Variants in CBX5 observed in about 807,000 individuals in gnomAD.
CBX5 encodes chromobox protein homolog 5.
Under a neutral mutation model 20.7 loss-of-function variants are expected in CBX5, and 7 were observed. The observed-to-expected ratio is 0.34, with a 90% CI of 0.19 to 0.63. The LOEUF is 0.63. Among genes scored for constraint, CBX5 ranks in the 30% least tolerant of loss-of-function variants. The pLI is 0.75. For synonymous variants in CBX5, 78 were observed against 77.0 expected, an observed-to-expected ratio of 1.01 and a Z score of -0.07; for missense variants, 110 against 224.1, an observed-to-expected ratio of 0.49 and a Z score of 3.25.
In CBX5 at chr12:54,235,559, A is replaced by G. The variant is rs1943612137; in HGVS notation, c.*6196T>C. ...AACCCGGGAGGTGGAGCTTGCAGTG[A>G]GCCGAGATTGCGCCACTGCACTCCA... On this transcript the variant is annotated 3_prime_UTR_variant, in exon 5 of 5. Coordinates refer to ENST00000209875, the MANE Select transcript of CBX5 (RefSeq NM_012117.3). 1 of 152,056 alleles carries G rather than the reference A, an allele frequency of 6.6e-6. No homozygotes were observed. Among genetic ancestry groups the G allele is most frequent in the Non-Finnish European group, 1.5e-5 (1 of 68,062 alleles). 9.4% of individuals were successfully genotyped at this position (152,056 alleles called of 1,614,324 possible). A position where few individuals can be genotyped will look rare whatever the true frequency, so the allele number is the denominator to read the frequency against.
intron 4 of CBX5, among the ~76,000 whole-genome samples, chr12:54,245,075 G>A (rs929901955): frequency 1.3e-5 from 2 of 151,390 alleles, no homozygotes; most frequent in African/African-American, 2.4e-5. Context: ...GCAGAGGCTC[G>A]ATCTCAGCTC....
intron 1 of CBX5, among the ~76,000 whole-genome samples, chr12:54,264,569 G>T (rs879563072): frequency 6.6e-6 from 1 of 152,202 alleles, no homozygotes; most frequent in Non-Finnish European, 1.5e-5. Flanking sequence ...CCAGCCGGGC[G>T]CAGTGGCTCA....
At chr12:54,270,153 G>A (rs555594235) in intron 1 of CBX5, among the ~76,000 whole-genome samples, 1 of 151,584 alleles carries the variant, frequency 6.6e-6, no homozygotes, top group Non-Finnish European at 1.5e-5. Flanking sequence ...CTATTTTCTT[G>A]TTTATTTTGG....
At chr12:54,255,450 T>C (rs1203965107) in intron 2 of CBX5, among the ~76,000 whole-genome samples, 3 of 150,890 alleles carry the variant, frequency 2.0e-5, no homozygotes, top group Non-Finnish European at 4.4e-5. Context: ...TCCCAGCTAC[T>C]CGGGAGGCTG....
At chr12:54,269,322 G>C (rs1421081168) in intron 1 of CBX5, among the ~76,000 whole-genome samples, 1 of 152,158 alleles carries the variant, frequency 6.6e-6, no homozygotes, top group Non-Finnish European at 1.5e-5. Context: ...GGAAGAGTTT[G>C]TTGTATAAAA....
intron 1 of CBX5, among the ~76,000 whole-genome samples, chr12:54,267,053 G>A (rs1440992254): frequency 6.6e-6 from 1 of 152,094 alleles, no homozygotes; most frequent in African/African-American, 2.4e-5. Flanking sequence ...TTTATCCTTG[G>A]AAATGTACTG....
rs951592966 is a variant in CBX5, at chr12:54,238,825, TG to T, written c.*2929del. Reference sequence around the variant, plus strand: ...AGGGAGATCTTTTAATGTTGATTACTGAAAGGCTTAGAAAGATGTCTTGAAA... The same window carrying T: ...AGGGAGATCTTTTAATGTTGATTACTAAAGGCTTAGAAAGATGTCTTGAAA... On this transcript the variant is annotated 3_prime_UTR_variant, in exon 5 of 5. Coordinates refer to ENST00000209875, the MANE Select transcript of CBX5 (RefSeq NM_012117.3). The T allele has an allele frequency of 6.6e-6, 1 of 152,238 alleles. No homozygotes were observed. 9.4% of individuals were successfully genotyped at this position (152,238 alleles called of 1,614,324 possible). A position where few individuals can be genotyped will look rare whatever the true frequency, so the allele number is the denominator to read the frequency against.
intron 3 of CBX5, among the ~76,000 whole-genome samples, chr12:54,250,949 G>A (rs1943794120): frequency 6.6e-6 from 1 of 151,186 alleles, no homozygotes; most frequent in Non-Finnish European, 1.5e-5. Flanking sequence ...GGCCAACATG[G>A]TGAAACCCCG....
rs200715337 is a variant in CBX5, at chr12:54,244,728, C to CA, written c.425+1386dup. 2.0e-4 allele frequency among the ~76,000 whole-genome samples: 30 copies of CA among 150,212 alleles called. No individual in the cohort carries two copies. In the South Asian group the frequency reaches 4.2e-3, roughly 21 times the overall value. On this transcript the variant is annotated intron_variant, in intron 4 of 4. Coordinates refer to ENST00000209875, the MANE Select transcript of CBX5 (RefSeq NM_012117.3). ...ACTCTAGGCGAAAGAGACTCTGTCT[C>CA]AAAAAAAAAGAAATCAAATTGAGAA...
At chr12:54,246,045 CT>C in intron 4 of CBX5, 69 bp downstream of exon 4, 4 of 1,027,422 alleles carry the variant, frequency 3.9e-6, no homozygotes, top group Non-Finnish European at 6.2e-6. Context: ...TCTTGCCACC[CT>C]ATCTTCCACA....
At chr12:54,254,378 G>C in intron 2 of CBX5, among the ~76,000 whole-genome samples, 1 of 142,926 alleles carries the variant, frequency 7.0e-6, no homozygotes, top group East Asian at 2.1e-4. Context: ...GGAATGATTT[G>C]AACACATGCC....
At chr12:54,260,061 G>A (rs1358749535) in intron 1 of CBX5, among the ~76,000 whole-genome samples, 1 of 151,770 alleles carries the variant, frequency 6.6e-6, no homozygotes, top group African/African-American at 2.4e-5. Context: ...CAGGAAACAG[G>A]GGAGGGGAAG....
At chr12:54,251,185 G>A (rs929420041) in intron 3 of CBX5, among the ~76,000 whole-genome samples, 1 of 151,598 alleles carries the variant, frequency 6.6e-6, no homozygotes, top group Non-Finnish European at 1.5e-5. Context: ...CCCCGGCTGG[G>A]CATGGTGGCT....
At chr12:54,279,957 T>C (rs1461422715) in intron 1 of CBX5, 51 bp downstream of exon 1, 1 of 125,128 alleles carries the variant, frequency 8.0e-6, no homozygotes, top group Non-Finnish European at 1.6e-5. Context: ...CGGGCCCAAA[T>C]GGAGTCAGTT....
Position 54,252,213 on chromosome 12 carries a change from C to A in CBX5, c.152G>T (p.Trp51Leu). 3 of 1,523,104 alleles carry A rather than the reference C, an allele frequency of 2.0e-6. No homozygotes were observed. The highest frequency in any genetic ancestry group is 2.5e-5 in the East Asian group (1 of 39,704). 94.3% of individuals were successfully genotyped at this position (1,523,104 alleles called of 1,614,324 possible). A position where few individuals can be genotyped will look rare whatever the true frequency, so the allele number is the denominator to read the frequency against. ...WKGFSEEHNTWEPEKNLDCPE... is the reference protein window; with the variant it reads ...WKGFSEEHNTLEPEKNLDCPE... ...GCAATCCAAGTTTTTCTCAGGTTCCCAAGTATTGTGCTCCCTGGGTAAGAA... is the reference window on the plus strand; with the variant it reads ...GCAATCCAAGTTTTTCTCAGGTTCCAAAGTATTGTGCTCCCTGGGTAAGAA... Residue 51 changes from tryptophan (W) to leucine (L), a missense_variant, in exon 3 of 5, where the codon TGG becomes TTG. Physicochemically the swap from Trp to Leu is moderately conservative, Grantham distance 61 (BLOSUM62 -2). Transcript: ENST00000209875.
chr12:54,247,751 G>C (rs1943751130), intron 3 of CBX5, among the ~76,000 whole-genome samples: 1 of 151,830 alleles, frequency 6.6e-6, no homozygotes. Flanking sequence ...TCAGCTCACT[G>C]CAACCTCCAC....
intron 1 of CBX5, among the ~76,000 whole-genome samples, chr12:54,274,832 C>T (rs1449457196): frequency 1.3e-5 from 2 of 151,950 alleles, no homozygotes; most frequent in Non-Finnish European, 2.9e-5. Flanking sequence ...CCCAGCTACT[C>T]GGGAGGCTGA....
Position 54,234,022 on chromosome 12 carries a change from A to C in CBX5, c.*7733T>G, listed in dbSNP as rs148617532. 1,538 of 152,054 alleles carry C rather than the reference A, an allele frequency of 0.01. 12 individuals carry two copies. Among genetic ancestry groups the C allele is most frequent in the Non-Finnish European group, 0.015 (996 of 68,054 alleles). 9.4% of individuals were successfully genotyped at this position (152,054 alleles called of 1,614,324 possible). A position where few individuals can be genotyped will look rare whatever the true frequency, so the allele number is the denominator to read the frequency against. ...ATGGTGAACCCTGTCTCTACTAAAA[A>C]TACAAAAATTAGCCGGGCATGGTGG... On this transcript the variant is annotated 3_prime_UTR_variant, in exon 5 of 5. Transcript: ENST00000209875.
rs1565865884 is a variant in CBX5, at chr12:54,240,382, T to C, written c.*1373A>G. ...CCAAGGTGACAGTCTTTCAGGAACATGCCTTTATTTTTATTTATATTTTTT... is the reference window on the plus strand; with the variant it reads ...CCAAGGTGACAGTCTTTCAGGAACACGCCTTTATTTTTATTTATATTTTTT... On this transcript the variant is annotated 3_prime_UTR_variant, in exon 5 of 5. Coordinates refer to ENST00000209875, the MANE Select transcript of CBX5 (RefSeq NM_012117.3). 1.3e-5 allele frequency: 2 copies of C among 152,172 alleles called. No homozygotes were observed. Among genetic ancestry groups the C allele is most frequent in the African/African-American group, 2.4e-5 (1 of 41,440 alleles). 9.4% of individuals were successfully genotyped at this position (152,172 alleles called of 1,614,324 possible). A position where few individuals can be genotyped will look rare whatever the true frequency, so the allele number is the denominator to read the frequency against.
Sources: allele counts gnomAD v4.1 joint callset (sites outside exome capture counted in the v4.1 genomes callset), GRCh38; gene constraint gnomAD v4.1.1; transcripts MANE v1.5; gene names NCBI Gene and HGNC (gene_info 2026-07-23, HGNC 2026-07-21).